Variants in CTNNA2 observed in about 807,000 individuals in gnomAD.
CTNNA2 encodes the protein catenin alpha 2, also known as catenin alpha-2.
Under a neutral mutation model 101.0 loss-of-function variants are expected in CTNNA2, and 42 were observed. That is an observed-to-expected ratio of 0.42 (90% CI 0.32 to 0.54). CTNNA2 has a LOEUF of 0.54. CTNNA2 is among the 20% of genes least tolerant of loss of function. The pLI, the probability that CTNNA2 is intolerant of heterozygous loss-of-function variation, is 0.14. For synonymous variants in CTNNA2, 450 were observed against 456.4 expected (o/e 0.99, Z 0.18); for missense variants, 871 against 1,223.1 (o/e 0.71, Z 4.29).
intron 7 of CTNNA2, among the ~76,000 whole-genome samples, chr2:80,306,146 T>TATTCTCTGCCCTGGTC (rs762898942): frequency 2.3e-4 from 35 of 152,156 alleles, no homozygotes; most frequent in Non-Finnish European, 4.4e-4. Context: ...TTCCATTTTG[T>TATTCTCTGCCCTGGTC]ATTCATCTGA....
intron 7 of CTNNA2, among the ~76,000 whole-genome samples, chr2:80,169,261 A>T (rs75718581): frequency 0.034 from 5,163 of 152,214 alleles, 95 homozygotes; most frequent in African/African-American, 0.053. Flanking sequence ...TTTTAACTGG[A>T]TGTCCATAGT....
At chr2:79,860,887 C>T (rs1047337309) in intron 4 of CTNNA2, among the ~76,000 whole-genome samples, 1 of 152,154 alleles carries the variant, frequency 6.6e-6, no homozygotes, top group Non-Finnish European at 1.5e-5. Flanking sequence ...AGTTCTTTTG[C>T]GCAGAAGCAT....
chr2:79,836,441 T>C (rs1679370766), intron 3 of CTNNA2, among the ~76,000 whole-genome samples: 1 of 152,196 alleles, frequency 6.6e-6, no homozygotes, highest in Non-Finnish European at 1.5e-5. Context: ...TTTAGATGAA[T>C]CATTTCACAG....
intron 2 of CTNNA2, among the ~76,000 whole-genome samples, chr2:79,671,970 C>T (rs938745064): frequency 6.6e-6 from 1 of 152,170 alleles, no homozygotes; most frequent in Non-Finnish European, 1.5e-5. Context: ...TAATTTACAG[C>T]TCAAATGAGC....
intron 3 of CTNNA2, among the ~76,000 whole-genome samples, chr2:79,813,284 A>G (rs911504166): frequency 2.0e-5 from 3 of 152,190 alleles, no homozygotes; most frequent in African/African-American, 4.8e-5. Flanking sequence ...AAAAATAGAC[A>G]TCAGAAGGAC....
intron 2 of CTNNA2, among the ~76,000 whole-genome samples, chr2:79,711,911 A>T (rs2104812411): frequency 6.6e-6 from 1 of 152,226 alleles, no homozygotes; most frequent in East Asian, 1.9e-4. Context: ...TATTCTTTGA[A>T]TTTTTTAGCC....
intron 9 of CTNNA2, among the ~76,000 whole-genome samples, chr2:80,544,609 A>G (rs1041098919): frequency 1.3e-5 from 2 of 151,864 alleles, no homozygotes; most frequent in Non-Finnish European, 1.5e-5. Flanking sequence ...TTCTCACTCA[A>G]CTCTACAGGG....
chr2:80,373,011 T>C (rs1675597017), intron 7 of CTNNA2, among the ~76,000 whole-genome samples: 1 of 152,180 alleles, frequency 6.6e-6, no homozygotes, highest in Non-Finnish European at 1.5e-5. Flanking sequence ...TGCTGACATT[T>C]AGACTACAAG....
At chr2:80,206,752 T>C (rs545328570) in intron 7 of CTNNA2, among the ~76,000 whole-genome samples, 1 of 152,218 alleles carries the variant, frequency 6.6e-6, no homozygotes, top group Non-Finnish European at 1.5e-5. Context: ...CTTGATATGG[T>C]TTTGGCCTGA....
rs143435106 is a variant in CTNNA2, at chr2:79,844,524, G to T, written c.299-13489G>T. Among the ~76,000 whole-genome samples, 6 of 152,268 alleles carry T rather than the reference G, an allele frequency of 3.9e-5. No individual in the cohort carries two copies. In the East Asian group the frequency reaches 9.7e-4, roughly 25 times the overall value. On this transcript the variant is annotated intron_variant, in intron 3 of 18. Transcript: ENST00000402739. ...ACATTTCCAGTAGTAGGAGACAAAA[G>T]GGTAAAATTCACTGACTTCCTGTGA... is the stretch of plus-strand genomic sequence containing the variant.
intron 9 of CTNNA2, among the ~76,000 whole-genome samples, chr2:80,472,107 G>A (rs181467853): frequency 2.8e-5 from 4 of 142,660 alleles, no homozygotes; most frequent in African/African-American, 5.6e-5. Context: ...GTGACAGAGC[G>A]AGACTCCATC....
At chr2:80,577,500 G>A (rs1472404682) in intron 13 of CTNNA2, among the ~76,000 whole-genome samples, 1 of 152,104 alleles carries the variant, frequency 6.6e-6, no homozygotes, top group Non-Finnish European at 1.5e-5. Flanking sequence ...GGGAGCCACT[G>A]GAGGGTTCTG....
At chr2:80,132,801 G>GA (rs570029791) in intron 7 of CTNNA2, among the ~76,000 whole-genome samples, 9 of 152,098 alleles carry the variant, frequency 5.9e-5, no homozygotes, top group Admixed American at 3.3e-4. Flanking sequence ...ATGTTCTATA[G>GA]AAAAAAATTT....
intron 7 of CTNNA2, among the ~76,000 whole-genome samples, chr2:80,075,685 A>G: frequency 1.2e-5 from 1 of 84,462 alleles, no homozygotes; most frequent in South Asian, 5.5e-4. Context: ...TATTATAAAA[A>G]TAATATTTAT....
chr2:79,887,880 A>G (rs535220580), intron 6 of CTNNA2, among the ~76,000 whole-genome samples: 2 of 152,196 alleles, frequency 1.3e-5, no homozygotes, highest in Admixed American at 6.5e-5. Context: ...TGCCTTTTCA[A>G]TTCTTTCTAA....
chr2:80,525,945 T>A (rs1433519457), intron 9 of CTNNA2, among the ~76,000 whole-genome samples: 1 of 152,198 alleles, frequency 6.6e-6, no homozygotes, highest in African/African-American at 2.4e-5. Context: ...AAAAGTAATT[T>A]CATTTTTTGC....
chr2:79,921,905 G>A (rs1006193224), intron 7 of CTNNA2, among the ~76,000 whole-genome samples: 2 of 152,170 alleles, frequency 1.3e-5, no homozygotes, highest in African/African-American at 4.8e-5. Context: ...ATCAGGACAT[G>A]AGGAGATTTT....
At chr2:79,331,909 A>G (rs1438697472) in intron 3 of CTNNA2, among the ~76,000 whole-genome samples, 1 of 152,184 alleles carries the variant, frequency 6.6e-6, no homozygotes, top group Non-Finnish European at 1.5e-5. Context: ...TTTGATTGGG[A>G]TGTACTAGTT....
rs570251344 is a variant in CTNNA2, at chr2:79,282,791, T to A, written c.-405-29918T>A. 7.7e-4 allele frequency among the ~76,000 whole-genome samples: 93 copies of A among 120,072 alleles called. 4 individuals are homozygous for A. Among genetic ancestry groups the A allele is most frequent in the African/African-American group, 2.3e-3 (87 of 37,656 alleles). 78.8% of individuals were successfully genotyped at this position (120,072 alleles called of 152,430 possible). ...TATACACAGTAATGGGATGGCTGGG[T>A]CAAATGGTATTTCTAGTTCTAGATC... On this transcript the variant is annotated intron_variant, in intron 2 of 21. Coordinates refer to the CTNNA2 transcript ENST00000466387.
Sources: gnomAD v4.1 joint callset for allele counts (sites outside exome capture counted in the v4.1 genomes callset) on GRCh38, gnomAD v4.1.1 for gene constraint, MANE v1.5 for transcripts, NCBI Gene and HGNC (gene_info 2026-07-23, HGNC 2026-07-21) for gene names.